MALRD1: variants seen among roughly 807,000 people sequenced by gnomAD.
MALRD1 encodes the protein MAM and LDL-receptor class A domain-containing protein 1.
Under a neutral mutation model 242.1 loss-of-function variants are expected in MALRD1, and 247 were observed. The ratio of observed to expected loss-of-function variants is 1.02; its 90% CI spans 0.92 to 1.13. The LOEUF is 1.13. MALRD1 is among the 50% of genes most tolerant of loss of function. The pLI, the probability that MALRD1 is intolerant of heterozygous loss-of-function variation, is 0.00. For synonymous variants in MALRD1, 995 were observed against 866.6 expected, an observed-to-expected ratio of 1.15 and a Z score of -2.60; for missense variants, 2,989 against 2,533.1, an observed-to-expected ratio of 1.18 and a Z score of -3.86.
chr10:19,125,250 C>T (rs909535527), intron 7 of MALRD1, among the ~76,000 whole-genome samples: 5 of 151,590 alleles, frequency 3.3e-5, no homozygotes, highest in Admixed American at 6.6e-5. Flanking sequence ...CCGGCCAAGT[C>T]GGCCAGCTCT....
intron 38 of MALRD1, among the ~76,000 whole-genome samples, chr10:19,702,100 T>C (rs1833655945): frequency 6.6e-6 from 1 of 152,160 alleles, no homozygotes; most frequent in Non-Finnish European, 1.5e-5. Flanking sequence ...CGTGCTATTA[T>C]ATTTAAAGCA....
intron 29 of MALRD1, among the ~76,000 whole-genome samples, chr10:19,453,944 C>T (rs1042489626): frequency 2.0e-5 from 3 of 152,002 alleles, no homozygotes; most frequent in African/African-American, 7.2e-5. Context: ...GTCCCAGCTA[C>T]TCAGGAGGCT....
chr10:19,633,224 C>T (rs1254471207), intron 36 of MALRD1, among the ~76,000 whole-genome samples: 1 of 151,996 alleles, frequency 6.6e-6, no homozygotes, highest in African/African-American at 2.4e-5. Flanking sequence ...GAGCAAGATT[C>T]TGTCTCAAAG....
intron 33 of MALRD1, among the ~76,000 whole-genome samples, chr10:19,586,675 T>G (rs890667209): frequency 6.6e-6 from 1 of 152,158 alleles, no homozygotes; most frequent in Non-Finnish European, 1.5e-5. Flanking sequence ...ACTGCTGTCT[T>G]TTTGTTTGTC....
intron 4 of MALRD1, among the ~76,000 whole-genome samples, chr10:19,096,558 A>G (rs1318235070): frequency 2.0e-5 from 3 of 152,156 alleles, no homozygotes; most frequent in Non-Finnish European, 2.9e-5. Flanking sequence ...AAGTGAGCAG[A>G]TGTTCATTTG....
chr10:19,724,867 AT>A (rs1834946554), intron 38 of MALRD1: 1 of 152,208 alleles, frequency 6.6e-6, no homozygotes, highest in Non-Finnish European at 1.5e-5. Flanking sequence ...AAATAAACAA[AT>A]TCAGAGAAGT....
chr10:19,354,644 A>G (rs1844542918), intron 26 of MALRD1, among the ~76,000 whole-genome samples: 1 of 151,944 alleles, frequency 6.6e-6, no homozygotes, highest in African/African-American at 2.4e-5. Flanking sequence ...TGCCTGGCTT[A>G]TTTCACTTAA....
chr10:19,196,033 A>G (rs894733580), intron 14 of MALRD1, among the ~76,000 whole-genome samples: 30 of 151,994 alleles, frequency 2.0e-4, no homozygotes, highest in Non-Finnish European at 5.9e-5. Flanking sequence ...TTCCAGCACC[A>G]CTTCTACCCA....
intron 36 of MALRD1, among the ~76,000 whole-genome samples, chr10:19,621,856 G>A (rs1175430311): frequency 6.6e-6 from 1 of 151,360 alleles, no homozygotes; most frequent in Non-Finnish European, 1.5e-5. Flanking sequence ...TAACACAAGA[G>A]GACAAAGAAT....
At chr10:19,253,520 A>C (rs529648341) in intron 18 of MALRD1, among the ~76,000 whole-genome samples, 76 of 152,024 alleles carry the variant, frequency 5.0e-4, no homozygotes, top group Non-Finnish European at 4.7e-4. Flanking sequence ...GCCCCCATGT[A>C]ACTAAATCAG....
At chr10:19,336,766 A>G (rs1843632127) in intron 24 of MALRD1, among the ~76,000 whole-genome samples, 1 of 152,190 alleles carries the variant, frequency 6.6e-6, no homozygotes, top group Admixed American at 6.6e-5. Context: ...TTAAAAAATT[A>G]TATTAGAAAC....
Position 19,458,372 on chromosome 10 carries a change from A to G in MALRD1, c.5029+7882A>G, listed in dbSNP as rs144716407. ...TCCAACTTACTTATCAATATTAATA[A>G]CATGTCCATACATAAATTGATATTT... On this transcript the variant is annotated intron_variant, in intron 29 of 39. Transcript: ENST00000454679. 2.5e-3 allele frequency among the ~76,000 whole-genome samples: 378 copies of G among 152,292 alleles called. 3 individuals are homozygous for G. The highest frequency in any genetic ancestry group is 7.6e-3 in the African/African-American group (315 of 41,566).
chr10:19,582,031 T>C (rs1426468361), intron 33 of MALRD1, among the ~76,000 whole-genome samples: 2 of 152,330 alleles, frequency 1.3e-5, no homozygotes, highest in South Asian at 2.1e-4. Context: ...TTTTGAGAAG[T>C]GTCTGTTCAT....
At position 19,171,679 on chromosome 10, in the gene MALRD1, CACAT is replaced by C. The variant is rs1276940298; in HGVS notation, c.1831-3527_1831-3524del. Among the ~76,000 whole-genome samples the C allele has an allele frequency of 1.0e-3, 144 of 138,852 alleles. 6 individuals carry two copies. The highest frequency in any genetic ancestry group is 1.9e-3 in the Non-Finnish European group (124 of 63,854). The allele number at this position is 138,852 out of a possible 152,430, so 91.1% of individuals were successfully genotyped here. ...ATGTCTATGTGTGTATATAAATACA[CACAT>C]ATATGTGTGTATGTGTGTGTATATA... On this transcript the variant is annotated intron_variant, in intron 13 of 39. Transcript: ENST00000454679.
At chr10:19,691,987 C>A (rs1842841677) in intron 36 of MALRD1, among the ~76,000 whole-genome samples, 1 of 152,048 alleles carries the variant, frequency 6.6e-6, no homozygotes, top group Non-Finnish European at 1.5e-5. Context: ...ATATTGGACA[C>A]TGGTGAAAAA....
chr10:19,592,960 C>T (rs4363481), intron 33 of MALRD1, among the ~76,000 whole-genome samples: 6,836 of 150,414 alleles, frequency 0.045, 467 homozygotes, highest in African/African-American at 0.15. Context: ...ATCTTTTCAA[C>T]CTTTGGTGAG....
chr10:19,376,809 C>G (rs950293826), intron 26 of MALRD1, among the ~76,000 whole-genome samples: 3 of 151,916 alleles, frequency 2.0e-5, no homozygotes, highest in African/African-American at 7.2e-5. Flanking sequence ...AAACTCCTGA[C>G]AGTAAATGAT....
intron 19 of MALRD1, among the ~76,000 whole-genome samples, chr10:19,264,805 G>A (rs1564513655): frequency 6.6e-6 from 1 of 152,144 alleles, no homozygotes; most frequent in Non-Finnish European, 1.5e-5. Flanking sequence ...TTCAGTTTTT[G>A]GAGGAGTTTG....
chr10:19,376,262 A>G (rs993973447), intron 26 of MALRD1, among the ~76,000 whole-genome samples: 2 of 152,160 alleles, frequency 1.3e-5, no homozygotes, highest in Admixed American at 6.5e-5. Context: ...TCATTTCCTC[A>G]GATTTCTACC....
Sources: gnomAD v4.1 joint callset for allele counts (sites outside exome capture counted in the v4.1 genomes callset) on GRCh38, gnomAD v4.1.1 for gene constraint, MANE v1.5 for transcripts, NCBI Gene and HGNC (gene_info 2026-07-23, HGNC 2026-07-21) for gene names.